The following NRROS variants were observed in gnomAD, a reference collection of about 807,000 sequenced individuals.
NRROS encodes the protein transforming growth factor beta activator LRRC33.
A neutral mutation model predicts 12.0 loss-of-function variants in NRROS; 6 were observed. The ratio of observed to expected loss-of-function variants is 0.50; its 90% confidence interval spans 0.27 to 0.98. The LOEUF (loss-of-function observed/expected upper bound fraction) is 0.98. Among genes scored for constraint, NRROS ranks in the 50% least tolerant of loss-of-function variants. The pLI is 0.11. For missense variants in NRROS, 857 were observed against 888.2 expected (o/e 0.96, Z 0.45); for synonymous variants, 462 against 410.2 (o/e 1.13, Z -1.53).
At chr3:196,651,277 G>A (rs1737419263) in intron 1 of NRROS, among the ~76,000 whole-genome samples, 1 of 152,086 alleles carries the variant, frequency 6.6e-6, no homozygotes. Context: ...CTGGGTCTTG[G>A]CCATTCTCAC....
intron 2 of NRROS, among the ~76,000 whole-genome samples, chr3:196,657,344 C>G (rs1201903130): frequency 6.6e-6 from 1 of 152,098 alleles, no homozygotes; most frequent in Non-Finnish European, 1.5e-5. Flanking sequence ...TGGAACAGCA[C>G]CCCATAGCGT....
At chr3:196,655,449 C>A (rs1334073702) in intron 2 of NRROS, among the ~76,000 whole-genome samples, 1 of 149,982 alleles carries the variant, frequency 6.7e-6, no homozygotes, top group South Asian at 2.1e-4. Flanking sequence ...GGAGGAGAAT[C>A]GCTTGAACCC....
intron 1 of NRROS, among the ~76,000 whole-genome samples, chr3:196,643,252 G>A (rs1335474896): frequency 6.6e-6 from 1 of 152,178 alleles, no homozygotes; most frequent in African/African-American, 2.4e-5. Context: ...TTTCCAGAGC[G>A]AACGGAGTCA....
At chr3:196,651,923 CAGG>C (rs1278126805) in intron 1 of NRROS, among the ~76,000 whole-genome samples, 1 of 152,124 alleles carries the variant, frequency 6.6e-6, no homozygotes, top group Non-Finnish European at 1.5e-5. Flanking sequence ...TCTGACCTCC[CAGG>C]AGGAGTGTCT....
chr3:196,653,429 G>A lies in NRROS; in HGVS notation c.-13-1098G>A, dbSNP rs555905766. Reference sequence around the variant, plus strand: ...GAGGAGGCCCCTGAGTGGCTGGAGCGAGCAGGTGGGGTGAGCTGGTGCCGC... The same window carrying A: ...GAGGAGGCCCCTGAGTGGCTGGAGCAAGCAGGTGGGGTGAGCTGGTGCCGC... On this transcript the variant is annotated intron_variant, in intron 1 of 2. Transcript: ENST00000328557. Among the ~76,000 whole-genome samples the A allele has an allele frequency of 2.1e-4, 32 of 152,380 alleles. No individual in the cohort carries two copies. In the East Asian group the frequency reaches 3.5e-3, roughly 17 times the overall value.
intron 1 of NRROS, among the ~76,000 whole-genome samples, chr3:196,651,202 C>G (rs921724023): frequency 2.0e-5 from 3 of 152,176 alleles, no homozygotes; most frequent in Admixed American, 1.3e-4. Context: ...GTTTCTCAAC[C>G]TCAATGGTCA....
chr3:196,646,787 G>T lies in NRROS; in HGVS notation c.-14+6912G>T, dbSNP rs77545314. Among the ~76,000 whole-genome samples, 1,433 of 152,284 alleles carry T rather than the reference G, an allele frequency of 9.4e-3. 25 individuals carry two copies. The highest frequency in any genetic ancestry group is 0.033 in the African/African-American group (1,368 of 41,536). On this transcript the variant is annotated intron_variant, in intron 1 of 2. Coordinates refer to ENST00000328557, the MANE Select transcript of NRROS (RefSeq NM_198565.3). ...CTCTCGCCACGAGCCCCGGTACAGC[G>T]CAGGCTGACCAGAGAACCGGAGAAC...
chr3:196,650,178 C>T (rs1271566719), intron 1 of NRROS, among the ~76,000 whole-genome samples: 6 of 152,214 alleles, frequency 3.9e-5, no homozygotes, highest in African/African-American at 7.2e-5. Flanking sequence ...GACAGAGTCT[C>T]GCTCTGCTGC....
Position 196,654,381 on chromosome 3 carries a change from T to C in NRROS, c.-13-146T>C. Reference sequence around the variant, plus strand: ...GAAGTCTTGGCTAAATGGAGGTATCTGAGTATCCTGTGGGCTGCACCTCTA... The same window carrying C: ...GAAGTCTTGGCTAAATGGAGGTATCCGAGTATCCTGTGGGCTGCACCTCTA... On this transcript the variant is annotated intron_variant, in intron 1 of 2. Coordinates refer to ENST00000328557, the MANE Select transcript of NRROS (RefSeq NM_198565.3). The surrounding 1 kb of genome is among the most constrained non-coding windows in gnomAD (Gnocchi z 4.4). The C allele has an allele frequency of 4.8e-6, 3 of 621,696 alleles. 1 individual carries two copies. The South Asian group carries it at 5.5e-5, about 11-fold the overall frequency. The allele number at this position is 621,696 out of a possible 1,614,324, so 38.5% of individuals were successfully genotyped here. A position where few individuals can be genotyped will look rare whatever the true frequency, so the allele number is the denominator to read the frequency against.
At chr3:196,650,970 A>G (rs534632549) in intron 1 of NRROS, among the ~76,000 whole-genome samples, 8 of 152,312 alleles carry the variant, frequency 5.3e-5, no homozygotes, top group African/African-American at 1.9e-4. Flanking sequence ...CTGTTCCTGC[A>G]TGCTGGGCAC....
intron 2 of NRROS, among the ~76,000 whole-genome samples, chr3:196,658,233 T>G (rs973731144): frequency 1.3e-5 from 2 of 152,256 alleles, no homozygotes; most frequent in Non-Finnish European, 2.9e-5. Flanking sequence ...AATAGGTTAC[T>G]GAACAGTTTG....
intron 2 of NRROS, among the ~76,000 whole-genome samples, chr3:196,657,747 CT>C (rs941719071): frequency 2.7e-5 from 4 of 150,414 alleles, no homozygotes; most frequent in African/African-American, 9.8e-5. Flanking sequence ...TTCCAGAGTA[CT>C]TTGTAATTAT....
intron 2 of NRROS, among the ~76,000 whole-genome samples, chr3:196,658,812 C>CA (rs1365762858): frequency 6.6e-5 from 10 of 151,918 alleles, no homozygotes; most frequent in African/African-American, 9.7e-5. Context: ...ACTAAAAATA[C>CA]AAAAAAAGTT....
chr3:196,648,663 G>A (rs1737354668), intron 1 of NRROS, among the ~76,000 whole-genome samples: 1 of 150,538 alleles, frequency 6.6e-6, no homozygotes, highest in Non-Finnish European at 1.5e-5. Flanking sequence ...CTACTCAGGA[G>A]GCTGAGGCAG....
chr3:196,659,048 A>C (rs893580940), intron 2 of NRROS, among the ~76,000 whole-genome samples: 1 of 152,122 alleles, frequency 6.6e-6, no homozygotes, highest in East Asian at 1.9e-4. Context: ...GTTTTTGCCA[A>C]TTTTGCAAAG....
Position 196,660,882 on chromosome 3 carries a change from G to C in NRROS, c.1239G>C (p.Gln413His). 2 of 1,614,072 alleles carry C rather than the reference G, an allele frequency of 1.2e-6. No individual in the cohort carries two copies. Among genetic ancestry groups the C allele is most frequent in the Non-Finnish European group, 1.7e-6 (2 of 1,180,044 alleles). Residue 413 changes from glutamine (Q) to histidine (H), a missense_variant, in exon 3 of 3, where the codon CAG becomes CAC. Gln to His is a conservative substitution (Grantham distance 24). Coordinates refer to ENST00000328557, the MANE Select transcript of NRROS (RefSeq NM_198565.3). The surrounding 1 kb of genome is among the most constrained non-coding windows in gnomAD (Gnocchi z 7.7). ...SLRLFNLSSN[Q>H]LLGVPPGLFA... ...GCTTGTTCAACCTGAGCTCCAACCA[G>C]CTCCTGGGCGTCCCCCCTGGCCTCT...
chr3:196,648,766 CAAAAA>C (rs34359599), intron 1 of NRROS, among the ~76,000 whole-genome samples: 15 of 74,812 alleles, frequency 2.0e-4, no homozygotes, highest in African/African-American at 6.8e-4. Context: ...AACTCCATCT[CAAAAA>C]AAAAAAAAAA....
intron 1 of NRROS, among the ~76,000 whole-genome samples, chr3:196,647,442 A>C (rs1403928138): frequency 6.6e-6 from 1 of 152,188 alleles, no homozygotes; most frequent in Non-Finnish European, 1.5e-5. Context: ...ACAATTCTAA[A>C]TGTTTGTTGT....
At chr3:196,642,694 C>T (rs1346566818) in intron 1 of NRROS, among the ~76,000 whole-genome samples, 2 of 152,182 alleles carry the variant, frequency 1.3e-5, no homozygotes, top group Non-Finnish European at 2.9e-5. Flanking sequence ...AACACACAGA[C>T]TTTTGAAGAA....
Sources: gnomAD v4.1 joint callset for allele counts (sites outside exome capture counted in the v4.1 genomes callset) on GRCh38, gnomAD v4.1.1 for gene constraint, Gnocchi (gnomAD v3.1) non-coding constraint, MANE v1.5 for transcripts, NCBI Gene and HGNC (gene_info 2026-07-23, HGNC 2026-07-21) for gene names.